The following VSIG2 variants were observed in gnomAD, a reference collection of about 807,000 sequenced individuals.
The protein encoded by VSIG2 is V-set and immunoglobulin domain containing 2.
A neutral mutation model predicts 29.4 loss-of-function variants in VSIG2; 30 were observed. The ratio of observed to expected loss-of-function variants is 1.02; its 90% CI spans 0.76 to 1.38. VSIG2 has a LOEUF of 1.38. Ranked by LOEUF, VSIG2 falls within the 40% of genes most tolerant of loss-of-function variation. The pLI, the probability that VSIG2 is intolerant of heterozygous loss-of-function variation, is 0.00. For missense variants in VSIG2, 421 were observed against 400.8 expected (o/e 1.05, Z -0.43); for synonymous variants, 178 against 174.2 (o/e 1.02, Z -0.17).
At chr11:124,752,056 T>A in intron 1 of VSIG2, 21 bp downstream of exon 1, 4 of 1,590,542 alleles carry the variant, frequency 2.5e-6, no homozygotes, top group Non-Finnish European at 3.4e-6. Context: ...CTCGCCGTGG[T>A]CCCGCCCGGC....
chr11:124,751,957 G>T, intron 1 of VSIG2, 120 bp downstream of exon 1: 1 of 1,221,324 alleles, frequency 8.2e-7, no homozygotes, highest in Non-Finnish European at 1.1e-6. Flanking sequence ...GCGCCTTAGG[G>T]CCCCTGGCGC....
At chr11:124,750,428 A>AT (rs561809239) in intron 3 of VSIG2, among the ~76,000 whole-genome samples, 3 of 151,902 alleles carry the variant, frequency 2.0e-5, no homozygotes, top group Admixed American at 6.6e-5. Flanking sequence ...AGCCTCCCCC[A>AT]TGATGGAGCT....
rs1292213659 is a variant in VSIG2 at position 124,747,575 on chromosome 11, G to C, written c.944C>G (p.Thr315Ser). Reference protein sequence around the residue: ...GFLERPSSASTVTTTKSKLPM... With the variant: ...GFLERPSSASSVTTTKSKLPM... ...GAGCTTGGACTTGGTGGTCGTCACG[G>C]TGCTGGCAGACGAGGGTCTTTCCAG... Residue 315 changes from threonine (T) to serine (S), a missense_variant, in exon 7 of 7, where the codon ACC (threonine) becomes AGC (serine). Thr to Ser is a moderately conservative substitution (Grantham distance 58). Transcript: ENST00000326621. 1.2e-6 allele frequency: 2 copies of C among 1,613,666 alleles called. No homozygotes were observed. Among genetic ancestry groups the C allele is most frequent in the African/African-American group, 2.7e-5 (2 of 74,886 alleles).
In VSIG2 at chr11:124,747,825, C is replaced by T. The variant is rs557560909; in HGVS notation, c.852-158G>A. 8.5e-5 allele frequency among the ~76,000 whole-genome samples: 13 copies of T among 152,316 alleles called. No individual in the cohort carries two copies. In the South Asian group the frequency reaches 2.7e-3, roughly 32 times the overall value. On this transcript the variant is annotated intron_variant, in intron 6 of 6. Transcript: ENST00000326621. ...CTGGGCCTCATCACTCCCCAACGCA[C>T]AACTACAGGAAGGCTAGAAGTGGCC...
intron 4 of VSIG2, 41 bp from the exon 5 acceptor site, chr11:124,748,804 CAGTG>C: frequency 1.2e-6 from 2 of 1,613,950 alleles, no homozygotes; most frequent in Non-Finnish European, 1.7e-6. Context: ...TCATTCAACT[CAGTG>C]AGCAGCTCTA....
intron 2 of VSIG2, 23 bp from the exon 3 acceptor site, chr11:124,750,944 C>T (rs1468937354): frequency 6.2e-7 from 1 of 1,610,556 alleles, no homozygotes; most frequent in Non-Finnish European, 8.5e-7. Flanking sequence ...AGAAGACACA[C>T]ATATGTGCCT....
chr11:124,747,520 A>G lies in VSIG2; in HGVS notation c.*15T>C. On this transcript the variant is annotated 3_prime_UTR_variant, in exon 7 of 7. Coordinates refer to ENST00000326621, the MANE Select transcript of VSIG2 (RefSeq NM_014312.5). ...ATTGATATTCCCCCTCACCGCCCTC[A>G]GGGATCGGGAGAAGTCACACGACCA... 1.9e-6 allele frequency: 3 copies of G among 1,598,024 alleles called. No individual in the cohort carries two copies. Among genetic ancestry groups the G allele is most frequent in the Non-Finnish European group, 2.6e-6 (3 of 1,173,084 alleles).
chr11:124,748,348 C>G (rs938866117), intron 6 of VSIG2, 42 bp downstream of exon 6: 3 of 1,562,864 alleles, frequency 1.9e-6, no homozygotes, highest in Non-Finnish European at 2.6e-6. Context: ...AACTCAAGCC[C>G]TTTCCTCCCT....
chr11:124,751,959 C>T, intron 1 of VSIG2, 118 bp downstream of exon 1: 1 of 1,241,282 alleles, frequency 8.1e-7, no homozygotes, highest in Non-Finnish European at 1.1e-6. Context: ...GCCTTAGGGC[C>T]CCTGGCGCCC....
At chr11:124,752,005 G>C (rs1944092170) in intron 1 of VSIG2, 72 bp downstream of exon 1, 1 of 1,460,228 alleles carries the variant, frequency 6.8e-7, no homozygotes, top group Non-Finnish European at 9.0e-7. Context: ...GGACAGAGTG[G>C]GTCCGAGGAG....
rs746038738 is a variant in VSIG2 at position 124,749,884 on chromosome 11, A to C, written c.428-18T>G. On this transcript the variant is annotated intron_variant, in intron 3 of 6. Coordinates refer to ENST00000326621, the MANE Select transcript of VSIG2 (RefSeq NM_014312.5). ...GGGGGGAACTGCAAAAAAAAAAAAA[A>C]AAAAAAAAAAACAGAAAGTTCCTCA... The C allele has an allele frequency of 2.7e-4, 398 of 1,460,474 alleles. 2 individuals are homozygous for C. Among genetic ancestry groups the C allele is most frequent in the East Asian group, 5.9e-4 (24 of 40,854 alleles). The allele number at this position is 1,460,474 out of a possible 1,614,324, so 90.5% of individuals were successfully genotyped here. A position where few individuals can be genotyped will look rare whatever the true frequency, so the allele number is the denominator to read the frequency against.
At chr11:124,751,121 G>A (rs564374393) in intron 2 of VSIG2, among the ~76,000 whole-genome samples, 200 bp from the exon 3 acceptor site, 1 of 149,796 alleles carries the variant, frequency 6.7e-6, no homozygotes, top group South Asian at 2.1e-4. Flanking sequence ...TGATCCATTG[G>A]TCTCTCTCTC....
At position 124,751,588 on chromosome 11, in the gene VSIG2, CG is replaced by C. The variant is rs2134453860; in HGVS notation, c.62-9del. 1.3e-6 allele frequency: 2 copies of C among 1,577,590 alleles called. No individual in the cohort carries two copies. Among genetic ancestry groups the C allele is most frequent in the Non-Finnish European group, 8.6e-7 (1 of 1,164,128 alleles). The stretch of plus-strand genomic sequence containing the variant: ...TCACCTCCACGGCCAGCCCTGGGGC[CG>C]GGGACCAGAGGGAGGTGGGAACCCA... On this transcript the variant is annotated splice_polypyrimidine_tract_variant and intron_variant, in intron 1 of 6. Transcript: ENST00000326621.
In VSIG2 at chr11:124,749,830, T is replaced by C. The variant is rs376695130; in HGVS notation, c.464A>G (p.Gln155Arg). Residue 155 changes from glutamine (Q) to arginine (R), a missense_variant, in exon 4 of 7, where the codon CAA becomes CGA. Physicochemically the swap from Gln to Arg is conservative, Grantham distance 43. Transcript: ENST00000326621. ...TGCAGTAGAGCCTCCCACAGAGGTT[T>C]GTCCACTCTGACTGCATAAGGGATT... is the stretch of plus-strand genomic sequence containing the variant. ...PSNPLCSQSG[Q>R]TSVGGSTALR... The C allele has an allele frequency of 4.4e-5, 71 of 1,601,648 alleles. No homozygotes were observed. The highest frequency in any genetic ancestry group is 1.7e-4 in the Middle Eastern group (1 of 5,984).
chr11:124,748,492 A>G lies in VSIG2; in HGVS notation c.749T>C (p.Leu250Pro). Residue 250 changes from leucine to proline, a missense_variant, in exon 6 of 7, where the codon CTC becomes CCC. By Grantham distance (98) the Leu-to-Pro change is moderately conservative. Coordinates refer to ENST00000326621, the MANE Select transcript of VSIG2 (RefSeq NM_014312.5). ...AACTGACAGCAACAGCACGCCCAGG[A>G]GCACCCCAATCAGAGCTCCGGCCAC... Reference protein sequence around the residue: ...GRVAGALIGVLLGVLLLSVAA... With the variant: ...GRVAGALIGVPLGVLLLSVAA... 6.2e-7 allele frequency: 1 copy of G among 1,614,138 alleles called. No homozygotes were observed. The highest frequency in any genetic ancestry group is 1.1e-5 in the South Asian group (1 of 91,084).
intron 1 of VSIG2, among the ~76,000 whole-genome samples, 166 bp downstream of exon 1, chr11:124,751,911 C>T (rs1944091242): frequency 6.6e-6 from 1 of 152,206 alleles, no homozygotes; most frequent in Non-Finnish European, 1.5e-5. Flanking sequence ...CTACGCCCTC[C>T]GGGCCTTGGA....
intron 4 of VSIG2, among the ~76,000 whole-genome samples, chr11:124,749,379 T>C (rs991460438): frequency 2.6e-5 from 4 of 152,118 alleles, no homozygotes; most frequent in Admixed American, 2.6e-4. Flanking sequence ...CTAGGAAGTT[T>C]GGAAGTGGTC....
Position 124,749,870 on chromosome 11 carries a change from C to CAAAAAAAAAAAAAAAAAA in VSIG2, c.428-22_428-5dup, listed in dbSNP as rs757471583. ...CATAAGGGATTACTGGGGGGAACTG[C>CAAAAAAAAAAAAAAAAAA]AAAAAAAAAAAAAAAAAAAAAAAAA... On this transcript the variant is annotated splice_polypyrimidine_tract_variant and splice_region_variant and intron_variant, in intron 3 of 6. Transcript: ENST00000326621. The CAAAAAAAAAAAAAAAAAA allele has an allele frequency of 2.2e-5, 17 of 781,274 alleles. No homozygotes were observed. The African/African-American group carries it at 3.7e-4, about 17-fold the overall frequency. 48.4% of individuals were successfully genotyped at this position (781,274 alleles called of 1,614,324 possible).
chr11:124,747,521 G>A lies in VSIG2; in HGVS notation c.*14C>T, dbSNP rs764610806. 6.3e-7 allele frequency: 1 copy of A among 1,599,174 alleles called. No individual in the cohort carries two copies. Among genetic ancestry groups the A allele is most frequent in the Non-Finnish European group, 8.5e-7 (1 of 1,173,582 alleles). ...TTGATATTCCCCCTCACCGCCCTCA[G>A]GGATCGGGAGAAGTCACACGACCAT... On this transcript the variant is annotated 3_prime_UTR_variant, in exon 7 of 7. Transcript: ENST00000326621.
Sources: allele counts gnomAD v4.1 joint callset (sites outside exome capture counted in the v4.1 genomes callset), GRCh38; gene constraint gnomAD v4.1.1; transcripts MANE v1.5; gene names NCBI Gene and HGNC (gene_info 2026-07-23, HGNC 2026-07-21).